KCNT1: variants seen among roughly 807,000 people sequenced by gnomAD.
KCNT1 encodes potassium sodium-activated channel subfamily T member 1.
A neutral mutation model predicts 147.8 loss-of-function variants in KCNT1; 78 were observed. The ratio of observed to expected loss-of-function variants is 0.53; its 90% confidence interval spans 0.44 to 0.64. KCNT1 has a LOEUF of 0.64. KCNT1 is among the 30% of genes least tolerant of loss of function. The probability of loss-of-function intolerance (pLI) is 0.00; values close to 1 mark genes in which losing one functional copy is unlikely to be tolerated. For synonymous variants in KCNT1, 867 were observed against 748.8 expected, an observed-to-expected ratio of 1.16 and a Z score of -2.58; for missense variants, 1,419 against 1,750.3, an observed-to-expected ratio of 0.81 and a Z score of 3.38.
chr9:135,736,712 C>A, intron 2 of KCNT1: 1 of 363,646 alleles, frequency 2.7e-6, no homozygotes, highest in South Asian at 1.3e-4. Context: ...GCCGCAGCCC[C>A]CGAGGAGCCT....
chr9:135,726,277 G>C (rs563297343), intron 2 of KCNT1, among the ~76,000 whole-genome samples: 3 of 152,152 alleles, frequency 2.0e-5, no homozygotes, highest in Non-Finnish European at 4.4e-5. Flanking sequence ...AGCAGCCCCC[G>C]GGGGAGACTC....
chr9:135,739,233 G>A (rs1228158814), intron 2 of KCNT1, among the ~76,000 whole-genome samples: 1 of 152,070 alleles, frequency 6.6e-6, no homozygotes, highest in African/African-American at 2.4e-5. Flanking sequence ...GGGAGGTGGG[G>A]CACCTCTCTT....
At position 135,740,872 on chromosome 9, in the gene KCNT1, C is replaced by T. The variant is rs1364129215; in HGVS notation, c.255-9226C>T. On this transcript the variant is annotated intron_variant, in intron 2 of 30. Coordinates refer to ENST00000371757, the MANE Select transcript of KCNT1 (RefSeq NM_020822.3). ...TGGACCACCGTGGGTTTGGATGCTG[C>T]GGATAGAGGCCGAGCTTCCTCAGCT... Among the ~76,000 whole-genome samples the T allele has an allele frequency of 3.3e-5, 5 of 151,994 alleles. No homozygotes were observed. In the East Asian group the frequency reaches 9.7e-4, roughly 30 times the overall value.
intron 29 of KCNT1, 73 bp downstream of exon 29, chr9:135,786,594 C>A (rs1401713403): frequency 1.4e-6 from 2 of 1,388,564 alleles, no homozygotes; most frequent in African/African-American, 3.1e-5. Context: ...CAAGAACAGT[C>A]GGCCACGGCG....
intron 1 of KCNT1, among the ~76,000 whole-genome samples, chr9:135,712,901 C>A (rs1050085274): frequency 6.6e-6 from 1 of 152,216 alleles, no homozygotes; most frequent in African/African-American, 2.4e-5. Flanking sequence ...GGCATCTTGT[C>A]CTTGTCACCC....
chr9:135,710,947 C>T (rs1413226175), intron 1 of KCNT1, among the ~76,000 whole-genome samples: 1 of 152,154 alleles, frequency 6.6e-6, no homozygotes, highest in Non-Finnish European at 1.5e-5. Flanking sequence ...GGGTTTGGGG[C>T]TCCCGCGCCT....
chr9:135,765,253 T>A, intron 12 of KCNT1, 58 bp downstream of exon 12: 1 of 1,523,670 alleles, frequency 6.6e-7, no homozygotes, highest in Non-Finnish European at 9.0e-7. Flanking sequence ...AGAGACGCCA[T>A]CCTCTCCCCA....
intron 2 of KCNT1, among the ~76,000 whole-genome samples, chr9:135,743,316 G>A (rs1830655636): frequency 1.3e-5 from 2 of 152,146 alleles, no homozygotes. Context: ...TGAGGCCAGG[G>A]CAGCCAGGCC....
chr9:135,768,243 G>GGC (rs1832432556), intron 13 of KCNT1, among the ~76,000 whole-genome samples: 1 of 30,184 alleles, frequency 3.3e-5, no homozygotes, highest in Non-Finnish European at 1.0e-4. Flanking sequence ...ATGCCTGCGG[G>GGC]GGGGGGGGGG....
intron 13 of KCNT1, among the ~76,000 whole-genome samples, 161 bp downstream of exon 13, chr9:135,765,921 T>C (rs1404028833): frequency 2.6e-5 from 4 of 151,710 alleles, no homozygotes; most frequent in Admixed American, 2.6e-4. Flanking sequence ...CTGTCCAGGG[T>C]GGATCGTCCG....
In KCNT1 at chr9:135,714,580, G is replaced by T. The variant is rs1415747116; in HGVS notation, c.114G>T (p.Arg38=). Reference sequence around the variant, plus strand: ...GGGCGCTGGCGTGTGCCCGCAGGCGGCCCTGCGCGGGGGACGGCGCGCTCC... The same window carrying T: ...GGGCGCTGGCGTGTGCCCGCAGGCGTCCCTGCGCGGGGGACGGCGCGCTCC... ...EFDDGQCAPR[R]PCAGDGALLD... The change falls in exon 2 of 31, where the codon CGG becomes CGT. Residue 38 remains arginine (R), a synonymous_variant. Coordinates refer to ENST00000371757, the MANE Select transcript of KCNT1 (RefSeq NM_020822.3). This position sits in a 1 kb window ranked among gnomAD's most constrained non-coding sequence, Gnocchi z 6.2. The T allele has an allele frequency of 7.4e-7, 1 of 1,346,838 alleles. No individual in the cohort carries two copies. The highest frequency in any genetic ancestry group is 2.4e-5 in the Admixed American group (1 of 41,722). The allele number at this position is 1,346,838 out of a possible 1,614,324, so 83.4% of individuals were successfully genotyped here.
intron 2 of KCNT1, among the ~76,000 whole-genome samples, chr9:135,749,796 T>G (rs1304929473): frequency 6.6e-6 from 1 of 151,696 alleles, no homozygotes; most frequent in Non-Finnish European, 1.5e-5. Flanking sequence ...GTGTGTGGAG[T>G]GAGTGCCGCA....
intron 4 of KCNT1, 24 bp from the exon 5 acceptor site, chr9:135,753,913 G>A: frequency 6.2e-7 from 1 of 1,613,886 alleles, no homozygotes; most frequent in East Asian, 2.2e-5. Flanking sequence ...GCCAGGGCCG[G>A]GCCAGCGCTG....
At chr9:135,762,573 C>G (rs71508811) in intron 11 of KCNT1, among the ~76,000 whole-genome samples, 2,782 of 152,110 alleles carry the variant, frequency 0.018, 50 homozygotes, top group Non-Finnish European at 0.03. Context: ...CATGGCAAAA[C>G]CCCGTCTCTA....
intron 2 of KCNT1, among the ~76,000 whole-genome samples, chr9:135,731,968 A>ATATG (rs1554766103): frequency 4.3e-5 from 1 of 23,140 alleles, no homozygotes; most frequent in African/African-American, 1.6e-4. Context: ...GTGTATATAT[A>ATATG]TATATATATA....
At chr9:135,765,295 G>A (rs1158964978) in intron 12 of KCNT1, 100 bp downstream of exon 12, 1 of 1,211,008 alleles carries the variant, frequency 8.3e-7, no homozygotes, top group East Asian at 2.4e-5. Context: ...AGTCCTCTCA[G>A]CCTTGGTTTA....
chr9:135,708,428 TC>T (rs1835346027), intron 1 of KCNT1, among the ~76,000 whole-genome samples: 1 of 152,200 alleles, frequency 6.6e-6, no homozygotes, highest in Non-Finnish European at 1.5e-5. Context: ...CTCATCTCCC[TC>T]CTCCCTAACT....
At chr9:135,717,429 C>T (rs754697206) in intron 2 of KCNT1, among the ~76,000 whole-genome samples, 7 of 152,106 alleles carry the variant, frequency 4.6e-5, no homozygotes, top group Non-Finnish European at 8.8e-5. Context: ...TTGGGCACCC[C>T]GAGATCTGGA....
chr9:135,743,823 A>T (rs912991653), intron 2 of KCNT1, among the ~76,000 whole-genome samples: 8 of 152,160 alleles, frequency 5.3e-5, no homozygotes, highest in African/African-American at 1.9e-4. Flanking sequence ...TGGCCAAGCT[A>T]TGGGGGGGCC....
Sources: gnomAD v4.1 joint callset for allele counts (sites outside exome capture counted in the v4.1 genomes callset) on GRCh38, gnomAD v4.1.1 for gene constraint, Gnocchi (gnomAD v3.1) non-coding constraint, MANE v1.5 for transcripts, NCBI Gene and HGNC (gene_info 2026-07-23, HGNC 2026-07-21) for gene names.